Variants in TNRC6C observed in about 807,000 individuals in gnomAD.
TNRC6C encodes trinucleotide repeat-containing gene 6C protein.
TNRC6C carries 20 observed loss-of-function variants against 153.7 expected under a neutral mutation model. The ratio of observed to expected loss-of-function variants is 0.13; its 90% CI spans 0.09 to 0.19. The LOEUF (loss-of-function observed/expected upper bound fraction) is 0.19, where lower values mean the gene tolerates loss of function less well. Among genes scored for constraint, TNRC6C ranks in the 10% least tolerant of loss-of-function variants. The pLI is 1.00. For synonymous variants in TNRC6C, 811 were observed against 841.4 expected (o/e 0.96, Z 0.63); for missense variants, 1,987 against 2,172.0 (o/e 0.91, Z 1.69).
chr17:78,062,171 T>G (rs1435191757), intron 3 of TNRC6C, among the ~76,000 whole-genome samples: 3 of 152,224 alleles, frequency 2.0e-5, no homozygotes, highest in Non-Finnish European at 2.9e-5. Flanking sequence ...TATTGTCTTT[T>G]GTGTAATTAA....
At chr17:78,012,888 G>A (rs1039136672) in intron 1 of TNRC6C, among the ~76,000 whole-genome samples, 1 of 152,132 alleles carries the variant, frequency 6.6e-6, no homozygotes, top group Non-Finnish European at 1.5e-5. Context: ...TCAAATATTT[G>A]CATCTCTATA....
chr17:78,098,026 C>T (rs1354082715), intron 16 of TNRC6C, among the ~76,000 whole-genome samples, 165 bp downstream of exon 19: 1 of 152,218 alleles, frequency 6.6e-6, no homozygotes, highest in Admixed American at 6.5e-5. Flanking sequence ...GCACAGTGGG[C>T]ACGCTGGGCA....
intron 6 of TNRC6C, among the ~76,000 whole-genome samples, chr17:78,072,654 A>G (rs765481882): frequency 1.8e-4 from 27 of 152,240 alleles, no homozygotes; most frequent in Middle Eastern, 3.2e-3. Context: ...AGCCCAAGGC[A>G]GGAGAACCAC....
At chr17:77,971,366 A>G (rs1187245988) in intron 1 of TNRC6C, among the ~76,000 whole-genome samples, 1 of 152,158 alleles carries the variant, frequency 6.6e-6, no homozygotes, top group Non-Finnish European at 1.5e-5. Flanking sequence ...TTCTCTCATG[A>G]TAAACTTTCT....
At chr17:78,086,658 A>G (rs2073296799) in intron 12 of TNRC6C, 72 bp downstream of exon 14, 3 of 1,550,512 alleles carry the variant, frequency 1.9e-6, no homozygotes, top group South Asian at 2.2e-5. Flanking sequence ...TAATTGATGA[A>G]CTATTAGATG....
At chr17:77,978,707 G>C (rs1415727492) in intron 1 of TNRC6C, among the ~76,000 whole-genome samples, 1 of 152,076 alleles carries the variant, frequency 6.6e-6, no homozygotes, top group East Asian at 1.9e-4. Context: ...CACAAAAACG[G>C]GAGTTCAGGG....
intron 1 of TNRC6C, among the ~76,000 whole-genome samples, chr17:78,024,111 A>C (rs1460986129): frequency 1.3e-5 from 2 of 152,310 alleles, no homozygotes; most frequent in East Asian, 3.9e-4. Context: ...AAAAAAGCAA[A>C]AACAAAAAAA....
At chr17:78,062,124 C>G (rs1027137753) in intron 3 of TNRC6C, among the ~76,000 whole-genome samples, 1 of 152,068 alleles carries the variant, frequency 6.6e-6, no homozygotes, top group Non-Finnish European at 1.5e-5. Flanking sequence ...TTAATTTTGT[C>G]CTTTCAATTT....
At chr17:77,997,650 C>T (rs2071348152) in intron 1 of TNRC6C, among the ~76,000 whole-genome samples, 4 of 151,948 alleles carry the variant, frequency 2.6e-5, no homozygotes, top group South Asian at 4.2e-4. Context: ...CCATTTATAA[C>T]GTTGTTTTTT....
In TNRC6C at chr17:78,049,763, C is replaced by G. The variant is rs764470863; in HGVS notation, c.701C>G (p.Ser234Cys). 6.3e-7 allele frequency: 1 copy of G among 1,589,706 alleles called. No individual in the cohort carries two copies. Among genetic ancestry groups the G allele is most frequent in the East Asian group, 2.2e-5 (1 of 44,642 alleles). ...CCTGGTGCTAATGGATCATCAGTTTCTCAAGTCAGTGGGGGCAGTGCTGAA... is the reference window on the plus strand; with the variant it reads ...CCTGGTGCTAATGGATCATCAGTTTGTCAAGTCAGTGGGGGCAGTGCTGAA... The change falls in exon 3 of 20, where the codon TCT becomes TGT. Residue 234 changes from serine (S) to cysteine (C), a missense_variant. Transcript: ENST00000301624. The surrounding 1 kb of genome is among the most constrained non-coding windows in gnomAD (Gnocchi z 4.1).
intron 1 of TNRC6C, among the ~76,000 whole-genome samples, chr17:77,964,620 G>A (rs555265050): frequency 1.3e-5 from 2 of 152,142 alleles, no homozygotes; most frequent in African/African-American, 2.4e-5. Context: ...TAGGAAGCAG[G>A]GAAAATCTCA....
chr17:78,071,076 T>C lies in TNRC6C; in HGVS notation c.2779-9T>C, dbSNP rs1181780245. 1.3e-6 allele frequency: 2 copies of C among 1,596,046 alleles called. No individual in the cohort carries two copies. Among genetic ancestry groups the C allele is most frequent in the Admixed American group, 3.5e-5 (2 of 57,272 alleles). ...CATGGACTTCCCCCTTTCCCACACT[T>C]TGTTCAAGGGCATGAAGACGTCTGG... On this transcript the variant is annotated splice_polypyrimidine_tract_variant and intron_variant, in intron 5 of 19. Transcript: ENST00000301624.
At chr17:78,072,613 T>C (rs1156279580) in intron 6 of TNRC6C, among the ~76,000 whole-genome samples, 2 of 152,198 alleles carry the variant, frequency 1.3e-5, no homozygotes. Context: ...CCAGACACAG[T>C]GGCTCACACC....
At chr17:78,018,977 G>C (rs2143516534) in intron 1 of TNRC6C, among the ~76,000 whole-genome samples, 1 of 152,224 alleles carries the variant, frequency 6.6e-6, no homozygotes, top group Middle Eastern at 3.4e-3. Flanking sequence ...AGTGTTAGTA[G>C]GTAACAGAGC....
chr17:78,051,993 A>G (rs2072546956), intron 3 of TNRC6C, among the ~76,000 whole-genome samples: 1 of 152,156 alleles, frequency 6.6e-6, no homozygotes, highest in Non-Finnish European at 1.5e-5. Flanking sequence ...TAAGGTGGCA[A>G]AGTCGTGAGC....
intron 13 of TNRC6C, among the ~76,000 whole-genome samples, chr17:78,087,372 C>A (rs150242687): frequency 0.017 from 2,550 of 152,218 alleles, 64 homozygotes; most frequent in African/African-American, 0.058. Context: ...CCCACCTCAG[C>A]CTCTTAAAGT....
chr17:77,983,123 ATTATAC>A (rs2071104979), intron 1 of TNRC6C, among the ~76,000 whole-genome samples: 1 of 152,204 alleles, frequency 6.6e-6, no homozygotes, highest in Non-Finnish European at 1.5e-5. Flanking sequence ...CAACTTTCAT[ATTATAC>A]TTAATGGTAA....
At chr17:78,041,345 T>A (rs1186687118) in intron 2 of TNRC6C, among the ~76,000 whole-genome samples, 1 of 152,158 alleles carries the variant, frequency 6.6e-6, no homozygotes, top group East Asian at 1.9e-4. Context: ...ACCCATGGCT[T>A]TCCCTACTGT....
At chr17:78,050,331 T>C in exon 3 of TNRC6C, 2 of 1,597,310 alleles carry the variant, frequency 1.3e-6, no homozygotes, top group Non-Finnish European at 1.7e-6. Context: ...GAAGGCGAGA[T>C]AAAGGGATTA....
Sources: gnomAD v4.1 joint callset for allele counts (sites outside exome capture counted in the v4.1 genomes callset) on GRCh38, gnomAD v4.1.1 for gene constraint, Gnocchi (gnomAD v3.1) non-coding constraint, MANE v1.5 for transcripts, NCBI Gene and HGNC (gene_info 2026-07-23, HGNC 2026-07-21) for gene names.